Variants in SNTB1 observed in about 807,000 individuals in gnomAD.
SNTB1 encodes syntrophin beta 1.
Under a neutral mutation model 48.9 loss-of-function variants are expected in SNTB1, and 36 were observed. The ratio of observed to expected loss-of-function variants is 0.74; its 90% CI spans 0.56 to 0.97. SNTB1 has a LOEUF of 0.97. Ranked by LOEUF, SNTB1 falls within the 50% of genes least tolerant of loss-of-function variation. SNTB1 has a pLI of 0.00. For synonymous variants in SNTB1, 299 were observed against 294.6 expected (o/e 1.01, Z -0.15); for missense variants, 786 against 703.4 (o/e 1.12, Z -1.33).
intron 4 of SNTB1, among the ~76,000 whole-genome samples, chr8:120,564,064 T>C (rs1418491968): frequency 6.6e-6 from 1 of 150,470 alleles, no homozygotes; most frequent in Non-Finnish European, 1.5e-5. Context: ...GCAGATATTA[T>C]GCCATTGCAC....
intron 1 of SNTB1, among the ~76,000 whole-genome samples, chr8:120,785,135 A>G (rs756442462): frequency 7.9e-5 from 12 of 152,236 alleles, no homozygotes; most frequent in Admixed American, 1.3e-4. Context: ...GGCAGTGGTC[A>G]CGGGTTTAGA....
intron 1 of SNTB1, among the ~76,000 whole-genome samples, chr8:120,703,113 T>C (rs568110284): frequency 1.3e-5 from 2 of 152,216 alleles, no homozygotes; most frequent in East Asian, 1.9e-4. Context: ...CTCCACAACA[T>C]AGTTTCTCAT....
intron 2 of SNTB1, among the ~76,000 whole-genome samples, chr8:120,644,411 T>C (rs1051545732): frequency 6.7e-6 from 1 of 148,554 alleles, no homozygotes; most frequent in African/African-American, 2.5e-5. Context: ...GAATATGCGA[T>C]GTTTGGTTTT....
At chr8:120,575,262 T>A (rs1338973741) in intron 3 of SNTB1, 37 bp from the exon 4 acceptor site, 1 of 1,613,600 alleles carries the variant, frequency 6.2e-7, no homozygotes. Flanking sequence ...AATGACAGCC[T>A]GAGGAAAGGA....
chr8:120,582,361 A>G (rs6469936), intron 3 of SNTB1, among the ~76,000 whole-genome samples: 31,023 of 152,084 alleles, frequency 0.2, 3,275 homozygotes, highest in Middle Eastern at 0.3. Flanking sequence ...CTCAGCTTTC[A>G]CCTTAACAAA....
chr8:120,674,116 G>C (rs1817798899), intron 2 of SNTB1, among the ~76,000 whole-genome samples: 1 of 152,070 alleles, frequency 6.6e-6, no homozygotes, highest in African/African-American at 2.4e-5. Context: ...GGAGTTCTTG[G>C]GGAATATCCA....
At chr8:120,791,623 T>C (rs1820037944) in intron 1 of SNTB1, among the ~76,000 whole-genome samples, 1 of 151,822 alleles carries the variant, frequency 6.6e-6, no homozygotes, top group African/African-American at 2.4e-5. Flanking sequence ...CCCATTAAAA[T>C]GTGGGCAAAT....
chr8:120,588,300 T>A (rs1268125834), intron 3 of SNTB1, among the ~76,000 whole-genome samples: 1 of 151,996 alleles, frequency 6.6e-6, no homozygotes, highest in Non-Finnish European at 1.5e-5. Flanking sequence ...TATTCAGTAA[T>A]GTCAGACACC....
At position 120,811,699 on chromosome 8, in the gene SNTB1, T is replaced by G. The variant is rs537908008; in HGVS notation, c.145A>C (p.Ser49Arg). ...VNLSEDALVL[S>R]SEEGAAAYNG... ...TACGCCGCAGCGCCCTCCTCGCTGC[T>G]CAGAACCAGGGCGTCCTCGCTCAAG... The change falls in exon 1 of 7, where the codon AGC becomes CGC. Residue 49 changes from serine to arginine, a missense_variant. Transcript: ENST00000517992. 1 of 1,586,776 alleles carries G rather than the reference T, an allele frequency of 6.3e-7. No individual in the cohort carries two copies. The highest frequency in any genetic ancestry group is 2.4e-5 in the East Asian group (1 of 41,504).
At chr8:120,613,042 A>G (rs1207496265) in intron 3 of SNTB1, among the ~76,000 whole-genome samples, 1 of 152,192 alleles carries the variant, frequency 6.6e-6, no homozygotes, top group Non-Finnish European at 1.5e-5. Flanking sequence ...TCTCACTCTT[A>G]TGTGGGAACT....
chr8:120,639,677 T>C (rs933531497), intron 2 of SNTB1, among the ~76,000 whole-genome samples: 2 of 152,318 alleles, frequency 1.3e-5, no homozygotes, highest in South Asian at 2.1e-4. Context: ...TTGTCAAAGA[T>C]CAGATGGTTG....
At chr8:120,539,365 C>T (rs1023864753) in intron 6 of SNTB1, among the ~76,000 whole-genome samples, 3 of 152,142 alleles carry the variant, frequency 2.0e-5, no homozygotes, top group Non-Finnish European at 2.9e-5. Flanking sequence ...GCTTTTTAGA[C>T]GTACCATCTT....
chr8:120,754,848 G>T (rs1819286877), intron 1 of SNTB1, among the ~76,000 whole-genome samples: 1 of 152,064 alleles, frequency 6.6e-6, no homozygotes, highest in South Asian at 2.1e-4. Context: ...ATATTAGGCT[G>T]GGAACTTGCA....
At chr8:120,777,376 A>T (rs1307817078) in intron 1 of SNTB1, among the ~76,000 whole-genome samples, 1 of 152,148 alleles carries the variant, frequency 6.6e-6, no homozygotes, top group African/African-American at 2.4e-5. Context: ...CTCCTGCTAG[A>T]TTTACCCACT....
chr8:120,692,553 C>A (rs1301233702), intron 2 of SNTB1, among the ~76,000 whole-genome samples: 3 of 151,940 alleles, frequency 2.0e-5, no homozygotes, highest in Non-Finnish European at 2.9e-5. Flanking sequence ...GATGAGGGAC[C>A]CTGAATTTTA....
chr8:120,630,102 G>A (rs1006270532), intron 3 of SNTB1, among the ~76,000 whole-genome samples: 1 of 152,234 alleles, frequency 6.6e-6, no homozygotes, highest in Non-Finnish European at 1.5e-5. Context: ...CTTGGTAGAT[G>A]CAGGGTTGCA....
At chr8:120,797,676 T>C (rs779874176) in intron 1 of SNTB1, among the ~76,000 whole-genome samples, 15 of 151,428 alleles carry the variant, frequency 9.9e-5, no homozygotes, top group Admixed American at 2.0e-4. Context: ...CCTGATCTCT[T>C]AGGAGCATAC....
chr8:120,596,875 C>T (rs1176557825), intron 3 of SNTB1, among the ~76,000 whole-genome samples: 1 of 152,228 alleles, frequency 6.6e-6, no homozygotes, highest in Non-Finnish European at 1.5e-5. Context: ...CTGTTCATTT[C>T]AAGGTCCATA....
At chr8:120,620,973 T>C (rs1435437472) in intron 3 of SNTB1, among the ~76,000 whole-genome samples, 1 of 95,836 alleles carries the variant, frequency 1.0e-5, no homozygotes, top group African/African-American at 2.6e-5. Context: ...TCTTTCTTTC[T>C]CTCCCTCTCC....
Sources: allele counts gnomAD v4.1 joint callset (sites outside exome capture counted in the v4.1 genomes callset), GRCh38; gene constraint gnomAD v4.1.1; transcripts MANE v1.5; gene names NCBI Gene and HGNC (gene_info 2026-07-23, HGNC 2026-07-21).